Variants in FAM186A observed in about 807,000 individuals in gnomAD.
FAM186A encodes the protein protein FAM186A.
In FAM186A, 163 loss-of-function variants were observed where a neutral mutation model predicts 216.8. The ratio of observed to expected loss-of-function variants is 0.75; its 90% CI spans 0.66 to 0.86. The LOEUF is 0.86. Ranked by LOEUF, FAM186A falls within the 40% of genes least tolerant of loss-of-function variation. The pLI is 0.00. For synonymous variants in FAM186A, 805 were observed against 1,025.3 expected (o/e 0.79, Z 4.10); for missense variants, 2,184 against 2,746.2 (o/e 0.80, Z 4.58).
chr12:50,337,289 C>CTTT lies in FAM186A; in HGVS notation c.6504-3189_6504-3187dup, dbSNP rs71441358. On this transcript the variant is annotated intron_variant, in intron 4 of 7. Coordinates refer to ENST00000327337, the MANE Select transcript of FAM186A (RefSeq NM_001145475.3). ...GTTGGATGTAGTTTTAGAGATAATTCTTTTTTTTTTTTTTTTTTTTTTTTA... is the reference window on the plus strand; with the variant it reads ...GTTGGATGTAGTTTTAGAGATAATTCTTTTTTTTTTTTTTTTTTTTTTTTTTTA... Among the ~76,000 whole-genome samples, 108 of 69,648 alleles carry CTTT rather than the reference C, an allele frequency of 1.6e-3. 4 individuals are homozygous for CTTT. The highest frequency in any genetic ancestry group is 2.7e-3 in the African/African-American group (44 of 16,598). 45.7% of individuals were successfully genotyped at this position (69,648 alleles called of 152,430 possible).
At chr12:50,390,400 G>A (rs1943346592) in intron 1 of FAM186A, among the ~76,000 whole-genome samples, 1 of 152,118 alleles carries the variant, frequency 6.6e-6, no homozygotes, top group Admixed American at 6.6e-5. Context: ...TTGACTGATG[G>A]ACTCTGACTC....
Position 50,351,510 on chromosome 12 carries a change from A to AG in FAM186A, c.5321dup (p.Gly1775TrpfsTer11). 6.7e-7 allele frequency: 1 copy of AG among 1,501,814 alleles called. No individual in the cohort carries two copies. Among genetic ancestry groups the AG allele is most frequent in the Non-Finnish European group, 8.9e-7 (1 of 1,127,094 alleles). The allele number at this position is 1,501,814 out of a possible 1,614,324, so 93.0% of individuals were successfully genotyped here. On this transcript the variant is annotated frameshift_variant, in exon 4 of 8. Coordinates refer to ENST00000327337, the MANE Select transcript of FAM186A (RefSeq NM_001145475.3). LOFTEE classifies it high-confidence loss of function. ...GAATCCCCATTTCTAGGGGCTTCCC[A>AG]GGGGCAAAGGGGCCTTGGTTGAGGG...
rs1300530679 is a variant in FAM186A, at chr12:50,350,683, A to G, written c.6149T>C (p.Leu2050Pro). Reference sequence around the variant, plus strand: ...CTGTGATGTTCTGAGTAGAGTAGTGAGAGAAGATGGTGATGTTGTTGGCTT... The same window carrying G: ...CTGTGATGTTCTGAGTAGAGTAGTGGGAGAAGATGGTGATGTTGTTGGCTT... ...LMKPTTSPSSLTTLLRTSQIS... is the reference protein window; with the variant it reads ...LMKPTTSPSSPTTLLRTSQIS... The change falls in exon 4 of 8, where the codon CTC (leucine) becomes CCC (proline). Residue 2050 changes from leucine (L) to proline (P), a missense_variant. Around this residue, in one of 7 missense-constraint regions of FAM186A, gnomAD observed 721 missense variants for 816.4 expected, o/e 0.88. Coordinates refer to ENST00000327337, the MANE Select transcript of FAM186A (RefSeq NM_001145475.3). The G allele has an allele frequency of 3.7e-5, 57 of 1,551,464 alleles. No homozygotes were observed. Among genetic ancestry groups the G allele is most frequent in the Non-Finnish European group, 4.8e-5 (55 of 1,146,982 alleles).
chr12:50,378,309 T>G (rs1489976659), intron 1 of FAM186A, among the ~76,000 whole-genome samples: 3 of 151,212 alleles, frequency 2.0e-5, no homozygotes, highest in Non-Finnish European at 4.4e-5. Flanking sequence ...GGTGGGTGGA[T>G]CACGAGGTCA....
In FAM186A at chr12:50,353,865, C is replaced by G; in HGVS notation, c.2967G>C (p.Gln989His). ...ERQIKTKDQMQMKETQPKELE... is the reference protein window; with the variant it reads ...ERQIKTKDQMHMKETQPKELE... ...GCTCTTTAGGTTGTGTTTCCTTCAT[C>G]TGCATCTGATCCTTTGTTTTGATCT... Residue 989 changes from glutamine to histidine, a missense_variant, in exon 4 of 8, where the codon CAG becomes CAC. Coordinates refer to ENST00000327337, the MANE Select transcript of FAM186A (RefSeq NM_001145475.3). 1 of 1,551,812 alleles carries G rather than the reference C, an allele frequency of 6.4e-7. No individual in the cohort carries two copies. The highest frequency in any genetic ancestry group is 8.7e-7 in the Non-Finnish European group (1 of 1,147,024).
chr12:50,386,513 A>G (rs1163163410), intron 1 of FAM186A, among the ~76,000 whole-genome samples: 1 of 152,178 alleles, frequency 6.6e-6, no homozygotes, highest in East Asian at 1.9e-4. Flanking sequence ...CAATGTATAA[A>G]TATATCAAAA....
At chr12:50,361,975 G>T (rs1358896038) in intron 2 of FAM186A, among the ~76,000 whole-genome samples, 1 of 150,480 alleles carries the variant, frequency 6.6e-6, no homozygotes, top group African/African-American at 2.4e-5. Flanking sequence ...TGTTGTTGTT[G>T]TTTTTGTTGT....
At chr12:50,393,809 A>G (rs928238366) in intron 1 of FAM186A, among the ~76,000 whole-genome samples, 1 of 152,178 alleles carries the variant, frequency 6.6e-6, no homozygotes, top group African/African-American at 2.4e-5. Context: ...ATGGTATGCT[A>G]ACTGTACCTC....
At chr12:50,375,726 A>T (rs1943191491) in intron 1 of FAM186A, among the ~76,000 whole-genome samples, 1 of 144,250 alleles carries the variant, frequency 6.9e-6, no homozygotes, top group Non-Finnish European at 1.5e-5. Context: ...CAAAAAAAAA[A>T]AGAAAAAGAA....
chr12:50,348,080 C>T (rs1171691818), intron 4 of FAM186A, among the ~76,000 whole-genome samples: 4 of 147,172 alleles, frequency 2.7e-5, no homozygotes, highest in Non-Finnish European at 6.0e-5. Context: ...AGTCTCACCC[C>T]GTTGCCCAGG....
In FAM186A at chr12:50,350,641, C is replaced by A. The variant is rs975382779; in HGVS notation, c.6191G>T (p.Trp2064Leu). Residue 2064 changes from tryptophan to leucine, a missense_variant, in exon 4 of 8, where the codon TGG (tryptophan) becomes TTG (leucine). Physicochemically the swap from Trp to Leu is moderately conservative, Grantham distance 61. This residue lies in a region of FAM186A where 721 missense variants were observed against 816.4 expected (regional missense o/e 0.88). Coordinates refer to ENST00000327337, the MANE Select transcript of FAM186A (RefSeq NM_001145475.3). ...LRTSQISPLE[W>L]YQKSRFPPID... ...AGGAGGGAATCGGGATTTCTGGTAC[C>A]ATTCCAAAGGTGAAATCTGTGATGT... 6 of 1,551,528 alleles carry A rather than the reference C, an allele frequency of 3.9e-6. No homozygotes were observed. In the South Asian group the frequency reaches 5.9e-5, roughly 15 times the overall value.
intron 4 of FAM186A, among the ~76,000 whole-genome samples, chr12:50,342,200 A>G (rs2138765196): frequency 6.6e-6 from 1 of 151,228 alleles, no homozygotes; most frequent in East Asian, 2.0e-4. Flanking sequence ...GGAGGCTGAA[A>G]CAGGCTGATG....
chr12:50,339,426 CTG>C (rs746779127), intron 4 of FAM186A, among the ~76,000 whole-genome samples: 1 of 152,168 alleles, frequency 6.6e-6, no homozygotes, highest in Non-Finnish European at 1.5e-5. Flanking sequence ...TTTAAAACAA[CTG>C]TAAATATTTT....
At chr12:50,331,583 TG>T in intron 6 of FAM186A, 86 bp downstream of exon 6, 1 of 1,250,894 alleles carries the variant, frequency 8.0e-7, no homozygotes. Context: ...TTGATAATTG[TG>T]GAGAAAGGGA....
chr12:50,369,286 C>T (rs563581556), intron 1 of FAM186A, among the ~76,000 whole-genome samples: 4 of 151,286 alleles, frequency 2.6e-5, no homozygotes, highest in Non-Finnish European at 4.4e-5. Flanking sequence ...GTCAGGAGAT[C>T]GGACCATCCT....
intron 5 of FAM186A, 140 bp downstream of exon 5, chr12:50,333,771 G>T: frequency 2.4e-6 from 2 of 820,420 alleles, no homozygotes; most frequent in Non-Finnish European, 1.9e-6. Flanking sequence ...GTTGTTTTAA[G>T]CTATGAAGTT....
intron 1 of FAM186A, among the ~76,000 whole-genome samples, chr12:50,372,504 G>A (rs188711616): frequency 6.6e-6 from 1 of 151,892 alleles, no homozygotes; most frequent in Admixed American, 6.6e-5. Context: ...TGAGACAGGA[G>A]AATTGCTTGA....
intron 1 of FAM186A, among the ~76,000 whole-genome samples, chr12:50,367,463 G>A (rs1943100609): frequency 6.8e-6 from 1 of 147,256 alleles, no homozygotes; most frequent in Non-Finnish European, 1.5e-5. Context: ...GCTTGCATGA[G>A]CTGAGACTGT....
chr12:50,329,489 C>T (rs1942635225), intron 7 of FAM186A, among the ~76,000 whole-genome samples: 1 of 152,002 alleles, frequency 6.6e-6, no homozygotes, highest in Admixed American at 6.6e-5. Flanking sequence ...TGACTTTATA[C>T]TGTATACATC....
Sources: allele counts gnomAD v4.1 joint callset (sites outside exome capture counted in the v4.1 genomes callset), GRCh38; gene constraint gnomAD v4.1.1; regional missense constraint gnomAD v4.1.1; transcripts MANE v1.5; gene names NCBI Gene and HGNC (gene_info 2026-07-23, HGNC 2026-07-21).